PDCD11: variants seen among roughly 807,000 people sequenced by gnomAD.
The protein encoded by PDCD11 is programmed cell death 11, also known as protein RRP5 homolog.
In PDCD11, 97 loss-of-function variants were observed where a neutral mutation model predicts 198.9. The ratio of observed to expected loss-of-function variants is 0.49; its 90% CI spans 0.41 to 0.58. PDCD11 has a LOEUF of 0.58. PDCD11 is among the 20% of genes least tolerant of loss of function. The pLI, the probability that PDCD11 is intolerant of heterozygous loss-of-function variation, is 0.00. For synonymous variants in PDCD11, 893 were observed against 918.0 expected, an observed-to-expected ratio of 0.97 and a Z score of 0.49; for missense variants, 2,102 against 2,312.7, an observed-to-expected ratio of 0.91 and a Z score of 1.87.
Position 103,442,430 on chromosome 10 carries a change from C to T in PDCD11, c.4925C>T (p.Ala1642Val), listed in dbSNP as rs769960300. ...ATEIEKARAVAERALKTISFR... is the reference protein window; with the variant it reads ...ATEIEKARAVVERALKTISFR... ...GAGATCGAGAAGGCCCGTGCCGTGG[C>T]TGAGAGGGCCCTTAAGACCATCTCC... Residue 1642 changes from alanine (A) to valine (V), a missense_variant, in exon 32 of 36, where the codon GCT (alanine) becomes GTT (valine). By Grantham distance (64) the Ala-to-Val change is moderately conservative. Coordinates refer to ENST00000369797, the MANE Select transcript of PDCD11 (RefSeq NM_014976.2). 10 of 1,613,966 alleles carry T rather than the reference C, an allele frequency of 6.2e-6. No individual in the cohort carries two copies. The highest frequency in any genetic ancestry group is 1.1e-5 in the South Asian group (1 of 91,086).
At position 103,442,301 on chromosome 10, in the gene PDCD11, G is replaced by T. The variant is rs1383461934; in HGVS notation, c.4796G>T (p.Gly1599Val). 2.5e-6 allele frequency: 4 copies of T among 1,614,238 alleles called. No homozygotes were observed. Among genetic ancestry groups the T allele is most frequent in the Non-Finnish European group, 3.4e-6 (4 of 1,180,044 alleles). ...SRIEEALMDP[G>V]RQPESADDFD... ...ATTGAGGAGGCGCTGATGGATCCTG[G>T]GCGGCAGCCAGAGTCCGCGGATGAT... Residue 1599 changes from glycine to valine, a missense_variant, in exon 32 of 36, where the codon GGG becomes GTG. Gly to Val is a moderately radical substitution (Grantham distance 109). Transcript: ENST00000369797.
chr10:103,413,970 G>A lies in PDCD11; in HGVS notation c.1190G>A (p.Ser397Asn), dbSNP rs7074814. The part of the protein sequence containing the change: ...KDGVLAYARL[S>N]HLSDSKNVFN... ...CAATCACTTGGTACTTTGCAGCTCA[G>A]CCATCTCTCTGATTCTAAGAACGTC... The change falls in exon 10 of 36, where the codon AGC (serine) becomes AAC (asparagine). Residue 397 changes from serine (S) to asparagine (N), a missense_variant. Ser to Asn is a conservative substitution (Grantham distance 46). Coordinates refer to ENST00000369797, the MANE Select transcript of PDCD11 (RefSeq NM_014976.2). 1 of 1,610,466 alleles carries A rather than the reference G, an allele frequency of 6.2e-7. No homozygotes were observed. The highest frequency in any genetic ancestry group is 8.5e-7 in the Non-Finnish European group (1 of 1,178,180).
At position 103,442,396 on chromosome 10, in the gene PDCD11, C is replaced by T. The variant is rs369308440; in HGVS notation, c.4891C>T (p.Gln1631Ter). ...GCTGCAGTACATGGCTTTCCACCTGCAGGCCACGGAGATCGAGAAGGCCCG... is the reference window on the plus strand; with the variant it reads ...GCTGCAGTACATGGCTTTCCACCTGTAGGCCACGGAGATCGAGAAGGCCCG... The part of the protein sequence containing the change: ...LWLQYMAFHL[Q>*]ATEIEKARAV... Residue 1631 changes from glutamine to a stop codon, truncating the protein, a stop_gained, in exon 32 of 36, where the codon CAG becomes TAG. Coordinates refer to ENST00000369797, the MANE Select transcript of PDCD11 (RefSeq NM_014976.2). LOFTEE classifies it high-confidence loss of function. 3.7e-6 allele frequency: 6 copies of T among 1,614,076 alleles called. No homozygotes were observed. Among genetic ancestry groups the T allele is most frequent in the Non-Finnish European group, 5.1e-6 (6 of 1,180,032 alleles).
chr10:103,416,422 T>C (rs7894407), intron 12 of PDCD11, 69 bp from the exon 13 acceptor site: 541,845 of 1,554,042 alleles, frequency 0.35, 96,533 homozygotes, highest in East Asian at 0.45. Flanking sequence ...GTTTAAGAGG[T>C]TGCAGAGACC....
intron 25 of PDCD11, among the ~76,000 whole-genome samples, chr10:103,435,556 C>T (rs1002105606): frequency 3.3e-5 from 5 of 151,914 alleles, no homozygotes; most frequent in African/African-American, 4.8e-5. Flanking sequence ...GAGTGCAGTG[C>T]GTAGGCTGGA....
intron 21 of PDCD11, among the ~76,000 whole-genome samples, chr10:103,428,042 A>G (rs1278726532): frequency 1.3e-5 from 2 of 152,206 alleles, no homozygotes; most frequent in East Asian, 1.9e-4. Flanking sequence ...ACAGTGGCTC[A>G]CGCCTGTAAT....
In PDCD11 at chr10:103,417,703, A is replaced by T. The variant is rs556053156; in HGVS notation, c.1771-89A>T. 7.2e-6 allele frequency: 10 copies of T among 1,379,668 alleles called. No individual in the cohort carries two copies. The Admixed American group carries it at 1.9e-4, about 26-fold the overall frequency. 85.5% of individuals were successfully genotyped at this position (1,379,668 alleles called of 1,614,324 possible). The stretch of plus-strand genomic sequence containing the variant: ...ATCCAAAGGCTCGGTAGATCTCCCA[A>T]GTCCTCTGCAGCAGTAGTGGAGGGC... On this transcript the variant is annotated intron_variant, in intron 13 of 35. Transcript: ENST00000369797.
Position 103,438,033 on chromosome 10 carries a change from T to C in PDCD11, c.3864T>C (p.Thr1288=). 1 of 1,613,742 alleles carries C rather than the reference T, an allele frequency of 6.2e-7. No homozygotes were observed. Among genetic ancestry groups the C allele is most frequent in the Non-Finnish European group, 8.5e-7 (1 of 1,179,626 alleles). The change falls in exon 26 of 36, where the codon ACT becomes ACC. Residue 1288 remains threonine (T), a synonymous_variant. Transcript: ENST00000369797. ...QKVVRCYILS[T]ADNVLTLSLR... is the part of the protein sequence containing the mutation. Reference sequence around the variant, plus strand: ...CATTCAGATGTTACATCCTGTCCACTGCAGACAACGTATTGACTTTGTCGC... The same window carrying C: ...CATTCAGATGTTACATCCTGTCCACCGCAGACAACGTATTGACTTTGTCGC...
chr10:103,423,752 C>G (rs1220039510), intron 19 of PDCD11, 94 bp downstream of exon 19: 1 of 810,116 alleles, frequency 1.2e-6, no homozygotes, highest in East Asian at 2.6e-5. Flanking sequence ...ATGCCTGTAG[C>G]AAGGGTAGCC....
rs566986481 is a variant in PDCD11 at position 103,421,000 on chromosome 10, C to T, written c.2278-348C>T. 1.1e-4 allele frequency among the ~76,000 whole-genome samples: 17 copies of T among 152,172 alleles called. No individual in the cohort carries two copies. The South Asian group carries it at 3.3e-3, about 30-fold the overall frequency. On this transcript the variant is annotated intron_variant, in intron 16 of 35. Coordinates refer to ENST00000369797, the MANE Select transcript of PDCD11 (RefSeq NM_014976.2). The stretch of plus-strand genomic sequence containing the variant: ...AAGTGATTCTCCTGCCCCAGCCTCC[C>T]GAGTAGCTGGAATTGCAGGTGCATG...
At position 103,427,349 on chromosome 10, in the gene PDCD11, C is replaced by G. The variant is rs1371992617; in HGVS notation, c.3326C>G (p.Pro1109Arg). The change falls in exon 21 of 36, where the codon CCC becomes CGC. Residue 1109 changes from proline (P) to arginine (R), a missense_variant. Pro to Arg is a moderately radical substitution (Grantham distance 103). Coordinates refer to ENST00000369797, the MANE Select transcript of PDCD11 (RefSeq NM_014976.2). ...TCCAGGTATCTCCCAATAAGTCACCCCAGATTCGTTCGAACCATCCCGGAG... is the reference window on the plus strand; with the variant it reads ...TCCAGGTATCTCCCAATAAGTCACCGCAGATTCGTTCGAACCATCCCGGAG... Reference protein sequence around the residue: ...KTFKYLPISHPRFVRTIPELS... With the variant: ...KTFKYLPISHRRFVRTIPELS... 2.5e-6 allele frequency: 4 copies of G among 1,613,314 alleles called. No individual in the cohort carries two copies. The highest frequency in any genetic ancestry group is 3.4e-6 in the Non-Finnish European group (4 of 1,179,574).
At position 103,440,859 on chromosome 10, in the gene PDCD11, G is replaced by T; in HGVS notation, c.4557+9G>T. 1 of 1,585,908 alleles carries T rather than the reference G, an allele frequency of 6.3e-7. No individual in the cohort carries two copies. Among genetic ancestry groups the T allele is most frequent in the South Asian group, 1.1e-5 (1 of 87,774 alleles). On this transcript the variant is annotated intron_variant, in intron 30 of 35. Transcript: ENST00000369797. ...CGAATGTGCTGCCCAAGGTGAGGGT[G>T]ACGTCGCGGGGAGGGGAAGGCTGCT...
chr10:103,441,282 G>T (rs1025191851), intron 30 of PDCD11, among the ~76,000 whole-genome samples: 1 of 151,648 alleles, frequency 6.6e-6, no homozygotes, highest in African/African-American at 2.4e-5. Flanking sequence ...TTTTGAGACA[G>T]AGTCTCGCTT....
intron 30 of PDCD11, among the ~76,000 whole-genome samples, chr10:103,441,507 A>G (rs964566552): frequency 1.3e-5 from 2 of 152,176 alleles, no homozygotes; most frequent in African/African-American, 4.8e-5. Context: ...GGCCCGCCTC[A>G]GCTTCTTAAA....
chr10:103,434,047 CT>C lies in PDCD11; in HGVS notation c.3564+12del. ...TTCTCTGAGCTTCAAGGTCAGTGTG[CT>C]TGAGATCCCTGGAGAGGGGACCCAA... On this transcript the variant is annotated intron_variant, in intron 23 of 35. Coordinates refer to ENST00000369797, the MANE Select transcript of PDCD11 (RefSeq NM_014976.2). The C allele has an allele frequency of 6.2e-7, 1 of 1,604,844 alleles. No individual in the cohort carries two copies. Among genetic ancestry groups the C allele is most frequent in the Non-Finnish European group, 8.5e-7 (1 of 1,171,534 alleles).
chr10:103,423,220 A>C, intron 18 of PDCD11, 83 bp downstream of exon 18: 1 of 1,365,128 alleles, frequency 7.3e-7, no homozygotes. Flanking sequence ...GAATTTCTAA[A>C]TACTTACGGT....
chr10:103,416,885 G>A (rs1207461951), intron 13 of PDCD11, 143 bp downstream of exon 13: 3 of 920,282 alleles, frequency 3.3e-6, no homozygotes, highest in Non-Finnish European at 4.9e-6. Flanking sequence ...GCTAAATGGA[G>A]GAGACGGGGA....
chr10:103,429,896 T>C (rs1448799798), intron 21 of PDCD11, among the ~76,000 whole-genome samples: 2 of 152,230 alleles, frequency 1.3e-5, no homozygotes, highest in African/African-American at 4.8e-5. Flanking sequence ...ACACATACAG[T>C]ATGCGTCCTT....
At chr10:103,421,172 C>T (rs556544868) in intron 16 of PDCD11, among the ~76,000 whole-genome samples, 176 bp from the exon 17 acceptor site, 72 of 152,334 alleles carry the variant, frequency 4.7e-4, no homozygotes, top group African/African-American at 1.5e-3. Context: ...CTGCTCCCAG[C>T]CAATCCGGAG....
Sources: gnomAD v4.1 joint callset for allele counts (sites outside exome capture counted in the v4.1 genomes callset) on GRCh38, gnomAD v4.1.1 for gene constraint, MANE v1.5 for transcripts, NCBI Gene and HGNC (gene_info 2026-07-23, HGNC 2026-07-21) for gene names.